PSMD1: variants seen among roughly 807,000 people sequenced by gnomAD.
PSMD1 encodes 26S proteasome non-ATPase regulatory subunit 1.
Under a neutral mutation model 119.0 loss-of-function variants are expected in PSMD1, and 18 were observed. The observed-to-expected ratio is 0.15, with a 90% CI of 0.10 to 0.22. The LOEUF is 0.22. Ranked by LOEUF, PSMD1 falls within the 10% of genes least tolerant of loss-of-function variation. PSMD1 has a pLI of 1.00. For missense variants in PSMD1, 702 were observed against 1,158.5 expected, an observed-to-expected ratio of 0.61 and a Z score of 5.72; for synonymous variants, 374 against 396.6, an observed-to-expected ratio of 0.94 and a Z score of 0.68.
intron 19 of PSMD1, among the ~76,000 whole-genome samples, chr2:231,153,907 A>G (rs1696423512): frequency 6.6e-6 from 1 of 151,888 alleles, no homozygotes; most frequent in African/African-American, 2.4e-5. Flanking sequence ...TGAGGTTGGG[A>G]GTTCGAGACC....
At chr2:231,144,236 G>C (rs1574767681) in intron 17 of PSMD1, among the ~76,000 whole-genome samples, 1 of 150,362 alleles carries the variant, frequency 6.7e-6, no homozygotes, top group Non-Finnish European at 1.5e-5. Context: ...GCTAATATTT[G>C]AAAGAGGTTT....
chr2:231,151,712 T>G (rs1206740875), intron 18 of PSMD1, among the ~76,000 whole-genome samples: 2 of 152,066 alleles, frequency 1.3e-5, no homozygotes, highest in African/African-American at 4.8e-5. Context: ...ATTTCCATAC[T>G]GTATAAGGTA....
At chr2:231,122,985 T>C (rs747914493) in intron 16 of PSMD1, among the ~76,000 whole-genome samples, 2 of 152,168 alleles carry the variant, frequency 1.3e-5, no homozygotes, top group Non-Finnish European at 1.5e-5. Context: ...GTGATTTAAA[T>C]TGGGATTTAG....
chr2:231,061,906 C>T (rs575508041), intron 2 of PSMD1, among the ~76,000 whole-genome samples: 1 of 152,126 alleles, frequency 6.6e-6, no homozygotes, highest in African/African-American at 2.4e-5. Context: ...ACAGAAAACA[C>T]AAAAAGTTGT....
intron 17 of PSMD1, among the ~76,000 whole-genome samples, chr2:231,143,498 G>T (rs935010161): frequency 6.6e-6 from 1 of 152,196 alleles, no homozygotes; most frequent in Admixed American, 6.5e-5. Context: ...AAAGTGCTGG[G>T]ATTATAGGCG....
chr2:231,121,051 CAT>C (rs1199692008), intron 16 of PSMD1, among the ~76,000 whole-genome samples: 2 of 152,146 alleles, frequency 1.3e-5, no homozygotes, highest in Non-Finnish European at 2.9e-5. Context: ...TAGAGGGCAA[CAT>C]GTGTTTTTTT....
chr2:231,133,635 CAG>C (rs1037992357), intron 16 of PSMD1: 8 of 152,056 alleles, frequency 5.3e-5, no homozygotes, highest in Non-Finnish European at 1.2e-4. Context: ...TCCCTGGGGT[CAG>C]GGGGGAAGAA....
chr2:231,105,039 A>G (rs550182165), intron 16 of PSMD1, among the ~76,000 whole-genome samples: 3 of 152,332 alleles, frequency 2.0e-5, no homozygotes, highest in Admixed American at 1.3e-4. Flanking sequence ...AATACTAAAA[A>G]CATGTTAGTA....
At chr2:231,142,747 T>A (rs1246968959) in intron 17 of PSMD1, among the ~76,000 whole-genome samples, 1 of 152,176 alleles carries the variant, frequency 6.6e-6, no homozygotes, top group East Asian at 1.9e-4. Flanking sequence ...AAATGGAAAT[T>A]TGGTTATATT....
intron 16 of PSMD1, among the ~76,000 whole-genome samples, chr2:231,121,738 G>A (rs999740004): frequency 1.3e-5 from 2 of 152,056 alleles, no homozygotes; most frequent in Non-Finnish European, 2.9e-5. Context: ...ATGGTACTTT[G>A]CATATAATAG....
intron 5 of PSMD1, among the ~76,000 whole-genome samples, chr2:231,068,115 A>G (rs1271266116): frequency 6.6e-6 from 1 of 152,018 alleles, no homozygotes; most frequent in Non-Finnish European, 1.5e-5. Flanking sequence ...AGCCCTGTAC[A>G]TTTTTTCATG....
At chr2:231,087,332 C>T (rs549766103) in intron 16 of PSMD1, 151 bp downstream of exon 16, 5 of 625,074 alleles carry the variant, frequency 8.0e-6, no homozygotes, top group East Asian at 2.8e-5. Flanking sequence ...CATTTAATAG[C>T]GAGATTAGTA....
intron 16 of PSMD1, among the ~76,000 whole-genome samples, chr2:231,102,654 A>G (rs563014360): frequency 2.0e-5 from 3 of 152,016 alleles, no homozygotes; most frequent in Non-Finnish European, 2.9e-5. Flanking sequence ...TTGTCCTCAC[A>G]TTGGGTTGGT....
intron 19 of PSMD1, among the ~76,000 whole-genome samples, chr2:231,160,370 T>C (rs1696609465): frequency 6.6e-6 from 1 of 152,228 alleles, no homozygotes; most frequent in South Asian, 2.1e-4. Flanking sequence ...CGTAGGGTAA[T>C]GCTCAATGCT....
rs747366640 is a variant in PSMD1, at chr2:231,153,636, G to A, written c.2188G>A (p.Ala730Thr). The A allele has an allele frequency of 8.7e-6, 14 of 1,613,184 alleles. No individual in the cohort carries two copies. The highest frequency in any genetic ancestry group is 4.5e-5 in the East Asian group (2 of 44,860). The change falls in exon 19 of 25, where the codon GCT becomes ACT. Residue 730 changes from alanine to threonine, a missense_variant. Around this residue, in one of 9 missense-constraint regions of PSMD1, gnomAD observed 272 missense variants for 511.6 expected, o/e 0.53. Transcript: ENST00000308696. ...KHDDVMAKFGAILAQGILDAG... is the reference protein window; with the variant it reads ...KHDDVMAKFGTILAQGILDAG... ...TGATGATGTCATGGCCAAGTTTGGC[G>A]CTATTCTGGCCCAGGGCATACTGGA...
intron 9 of PSMD1, among the ~76,000 whole-genome samples, chr2:231,077,761 G>A (rs968149541): frequency 1.3e-4 from 19 of 151,902 alleles, no homozygotes; most frequent in East Asian, 5.8e-4. Flanking sequence ...CTTCCTTCTC[G>A]CTCTCTTATT....
At chr2:231,165,331 C>A in intron 22 of PSMD1, 45 bp downstream of exon 22, 1 of 1,512,754 alleles carries the variant, frequency 6.6e-7, no homozygotes, top group Admixed American at 2.0e-5. Context: ...ATCTCTGTCT[C>A]TGTCATGGTC....
At chr2:231,114,621 A>C (rs913296020) in intron 16 of PSMD1, among the ~76,000 whole-genome samples, 5 of 152,238 alleles carry the variant, frequency 3.3e-5, no homozygotes, top group Admixed American at 6.5e-5. Context: ...TTGATTTGAA[A>C]AGAAAATCTC....
At chr2:231,153,505 C>G (rs1696415926) in intron 18 of PSMD1, 59 bp from the exon 19 acceptor site, 1 of 1,197,834 alleles carries the variant, frequency 8.3e-7, no homozygotes. Flanking sequence ...ATTCCCTGTT[C>G]TAAAATGGTA....
Sources: allele counts gnomAD v4.1 joint callset (sites outside exome capture counted in the v4.1 genomes callset), GRCh38; gene constraint gnomAD v4.1.1; regional missense constraint gnomAD v4.1.1; transcripts MANE v1.5; gene names NCBI Gene and HGNC (gene_info 2026-07-23, HGNC 2026-07-21).